The following RTN4 variants were observed in gnomAD, a reference collection of about 807,000 sequenced individuals.
RTN4 encodes reticulon 4.
RTN4 carries 32 observed loss-of-function variants against 90.4 expected under a neutral mutation model. The observed-to-expected ratio is 0.35, with a 90% CI of 0.27 to 0.48. The LOEUF (loss-of-function observed/expected upper bound fraction) is 0.48, where lower values mean the gene tolerates loss of function less well. Ranked by LOEUF, RTN4 falls within the 20% of genes least tolerant of loss-of-function variation. The pLI, the probability that RTN4 is intolerant of heterozygous loss-of-function variation, is 0.99. For missense variants in RTN4, 1,706 were observed against 1,430.2 expected (o/e 1.19, Z -3.11); for synonymous variants, 629 against 552.5 (o/e 1.14, Z -1.94).
At chr2:54,998,146 T>C (rs906557530) in intron 3 of RTN4, among the ~76,000 whole-genome samples, 1 of 151,178 alleles carries the variant, frequency 6.6e-6, no homozygotes, top group Non-Finnish European at 1.5e-5. Context: ...AGTTATGAAT[T>C]CTGTAGAGAC....
chr2:55,016,529 G>C (rs1681050379), intron 3 of RTN4, among the ~76,000 whole-genome samples: 1 of 152,198 alleles, frequency 6.6e-6, no homozygotes, highest in Non-Finnish European at 1.5e-5. Flanking sequence ...GTTGCAGTGA[G>C]TGGAGATCCC....
At chr2:55,001,993 A>G (rs531909063) in intron 3 of RTN4, among the ~76,000 whole-genome samples, 1 of 152,224 alleles carries the variant, frequency 6.6e-6, no homozygotes, top group African/African-American at 2.4e-5. Flanking sequence ...ACTAAAATAA[A>G]TTTATTTTCA....
At chr2:55,064,349 C>CTTTTTTT (rs70947003) in intron 2 of RTN4, among the ~76,000 whole-genome samples, 4 of 133,400 alleles carry the variant, frequency 3.0e-5, no homozygotes, top group South Asian at 2.4e-4. Context: ...CACAAACATT[C>CTTTTTTT]TTTTTTTTTT....
At chr2:54,983,764 G>C (rs1678333231) in intron 4 of RTN4, among the ~76,000 whole-genome samples, 1 of 152,196 alleles carries the variant, frequency 6.6e-6, no homozygotes, top group African/African-American at 2.4e-5. Context: ...ATCTTAGATA[G>C]TGCTGTCTAG....
intron 2 of RTN4, among the ~76,000 whole-genome samples, chr2:55,061,652 T>C (rs1668296201): frequency 6.6e-6 from 1 of 152,212 alleles, no homozygotes; most frequent in Non-Finnish European, 1.5e-5. Flanking sequence ...CTCAACTTGT[T>C]TGATTGCTTC....
At chr2:55,118,781 G>A in the RTN4 span, among the ~76,000 whole-genome samples, 1 of 152,204 alleles carries the variant, frequency 6.6e-6, no homozygotes. Context: ...GCTCTCTAAT[G>A]CAGATGAGGA....
intron 4 of RTN4, among the ~76,000 whole-genome samples, chr2:54,983,982 C>T (rs1430947723): frequency 1.3e-5 from 2 of 152,186 alleles, no homozygotes; most frequent in African/African-American, 2.4e-5. Flanking sequence ...ACCTTACTTC[C>T]AACTACTCTT....
intron 1 of RTN4, among the ~76,000 whole-genome samples, chr2:55,101,703 C>T (rs1473031021): frequency 1.3e-5 from 2 of 152,130 alleles, no homozygotes; most frequent in African/African-American, 4.8e-5. Flanking sequence ...TTTCTGTCCT[C>T]ATATGATGGT....
intron 5 of RTN4, among the ~76,000 whole-genome samples, chr2:54,981,634 G>T (rs911364592): frequency 6.6e-6 from 1 of 152,210 alleles, no homozygotes; most frequent in African/African-American, 2.4e-5. Flanking sequence ...TGTTTCGTCA[G>T]TCAGAACTTT....
intron 2 of RTN4, among the ~76,000 whole-genome samples, chr2:55,071,543 C>CAAAAAAAAAA (rs71410418): frequency 1.0e-5 from 1 of 99,504 alleles, no homozygotes; most frequent in Non-Finnish European, 2.0e-5. Context: ...CATTTGCCAT[C>CAAAAAAAAAA]AAAAAAAAAA....
In RTN4 at chr2:55,084,383, C is replaced by T. The variant is rs115132184; in HGVS notation, c.-213-3744G>A. ...CTTGATCTCCTGGGCTCATGTGATC[C>T]TCCAGCCTGAGTCTCTGAAATTGCT... On this transcript the variant is annotated intron_variant, in intron 1 of 3. Transcript: ENST00000427710. Among the ~76,000 whole-genome samples the T allele has an allele frequency of 5.0e-3, 757 of 151,350 alleles. 5 individuals carry two copies. The highest frequency in any genetic ancestry group is 0.018 in the African/African-American group (725 of 41,272).
Position 55,028,166 on chromosome 2 carries a change from G to C in RTN4, c.611C>G (p.Ala204Gly), listed in dbSNP as rs766081854. 1 of 1,612,290 alleles carries C rather than the reference G, an allele frequency of 6.2e-7. No individual in the cohort carries two copies. Among genetic ancestry groups the C allele is most frequent in the South Asian group, 1.1e-5 (1 of 90,914 alleles). The change falls in exon 2 of 9, where the codon GCA becomes GGA. Residue 204 changes from alanine (A) to glycine (G), a missense_variant and splice_region_variant. Transcript: ENST00000337526. Reference sequence around the variant, plus strand: ...AAAGGCTGGCAGAAAGAACTTGCCTGCAGAGGAGCGTATCACAGGCTCAGA... The same window carrying C: ...AAAGGCTGGCAGAAAGAACTTGCCTCCAGAGGAGCGTATCACAGGCTCAGA... ...AASEPVIRSS[A>G]ENMDLKEQPG... is the part of the protein sequence containing the mutation.
rs1210478843 is a variant in RTN4, at chr2:55,027,279, T to C, written c.820A>G (p.Lys274Glu). 2 of 1,613,748 alleles carry C rather than the reference T, an allele frequency of 1.2e-6. No individual in the cohort carries two copies. Among genetic ancestry groups the C allele is most frequent in the Non-Finnish European group, 1.7e-6 (2 of 1,179,770 alleles). ...GTTTTTGCCTTCTCTGAGACCTCTTTAGAAGCTTCACTGACATTTTCTTGA... is the reference window on the plus strand; with the variant it reads ...GTTTTTGCCTTCTCTGAGACCTCTTCAGAAGCTTCACTGACATTTTCTTGA... ...TLQENVSEASKEVSEKAKTLL... is the reference protein window; with the variant it reads ...TLQENVSEASEEVSEKAKTLL... Residue 274 changes from lysine to glutamate, a missense_variant, in exon 3 of 9, where the codon AAA becomes GAA. Physicochemically the swap from Lys to Glu is moderately conservative, Grantham distance 56. Coordinates refer to ENST00000337526, the MANE Select transcript of RTN4 (RefSeq NM_020532.5).
At chr2:55,074,921 C>T (rs1436680667) in intron 2 of RTN4, among the ~76,000 whole-genome samples, 2 of 152,172 alleles carry the variant, frequency 1.3e-5, no homozygotes, top group African/African-American at 4.8e-5. Flanking sequence ...ATATAAGAGA[C>T]ATACCTTAAG....
chr2:55,009,947 T>G (rs1411023019), intron 3 of RTN4: 3 of 864,034 alleles, frequency 3.5e-6, no homozygotes, highest in African/African-American at 3.4e-5. Context: ...ACACGTGAGA[T>G]AGCCGTTTTA....
intron 1 of RTN4, among the ~76,000 whole-genome samples, chr2:55,030,376 C>G (rs1682214826): frequency 6.6e-6 from 1 of 151,990 alleles, no homozygotes; most frequent in Non-Finnish European, 1.5e-5. Context: ...TCCAGTTACC[C>G]ATAAAACAAG....
chr2:55,038,549 T>C (rs1213717002), intron 1 of RTN4, among the ~76,000 whole-genome samples: 2 of 152,142 alleles, frequency 1.3e-5, no homozygotes, highest in Admixed American at 6.5e-5. Context: ...CCTAGGGAAA[T>C]CTAGATTAAG....
intron 1 of RTN4, among the ~76,000 whole-genome samples, chr2:55,081,495 G>A (rs925589792): frequency 2.0e-5 from 3 of 152,054 alleles, no homozygotes; most frequent in Non-Finnish European, 4.4e-5. Context: ...ATGCCATTAT[G>A]AATACTAAAC....
chr2:55,040,355 T>C (rs968387179), intron 1 of RTN4, among the ~76,000 whole-genome samples: 10 of 152,306 alleles, frequency 6.6e-5, no homozygotes, highest in African/African-American at 2.4e-4. Context: ...CAAGCATCTT[T>C]GGTAACCTCT....
Sources: allele counts gnomAD v4.1 joint callset (sites outside exome capture counted in the v4.1 genomes callset), GRCh38; gene constraint gnomAD v4.1.1; transcripts MANE v1.5; gene names NCBI Gene and HGNC (gene_info 2026-07-23, HGNC 2026-07-21).